The following SATL1 variants were observed in gnomAD, a reference collection of about 807,000 sequenced individuals.
SATL1 encodes spermidine/spermine N(1)-acetyltransferase-like protein 1.
Under a neutral mutation model 51.8 loss-of-function variants are expected in SATL1, and 47 were observed. That is an observed-to-expected ratio of 0.91 (90% CI 0.72 to 1.16). The LOEUF (loss-of-function observed/expected upper bound fraction) is 1.16. SATL1 is among the 50% of genes most tolerant of loss of function. SATL1 has a pLI of 0.00. For missense variants in SATL1, 520 were observed against 526.4 expected (o/e 0.99, Z 0.12); for synonymous variants, 176 against 182.4 (o/e 0.97, Z 0.28).
rs140090770 is a variant in SATL1, at chrX:85,233,939, G to C, written c.-434-9613C>G. Among the ~76,000 whole-genome samples the C allele has an allele frequency of 4.6e-3, 516 of 111,113 alleles. 4 individuals are homozygous for C. Among genetic ancestry groups the C allele is most frequent in the African/African-American group, 0.016 (498 of 30,601 alleles). Reference sequence around the variant, plus strand: ...GAGAAAGATGGCAATATTCAAGTACGAGGAGGTTATAAAACACCAAGCAAA... The same window carrying C: ...GAGAAAGATGGCAATATTCAAGTACCAGGAGGTTATAAAACACCAAGCAAA... On this transcript the variant is annotated intron_variant, in intron 1 of 7. Coordinates refer to ENST00000644105, the MANE Select transcript of SATL1 (RefSeq NM_001367857.2).
intron 4 of SATL1, among the ~76,000 whole-genome samples, chrX:85,096,189 A>G (rs1391584620): frequency 9.0e-6 from 1 of 111,563 alleles, no homozygotes; most frequent in Non-Finnish European, 1.9e-5. Flanking sequence ...TGTAAACAAA[A>G]TAATATAGAT....
chrX:85,157,484 C>A (rs188835757), intron 2 of SATL1, among the ~76,000 whole-genome samples: 329 of 111,391 alleles, frequency 3.0e-3, no homozygotes, highest in Non-Finnish European at 4.9e-3. Context: ...TAGATAAACC[C>A]TAAAAGTTAG....
chrX:85,191,112 G>GT (rs1450416275), intron 2 of SATL1, among the ~76,000 whole-genome samples: 7 of 104,589 alleles, frequency 6.7e-5, no homozygotes, highest in African/African-American at 2.4e-4. Flanking sequence ...AGAACTTAAA[G>GT]TATAATAATA....
intron 4 of SATL1, among the ~76,000 whole-genome samples, chrX:85,098,219 C>T (rs1430260034): frequency 1.8e-5 from 2 of 111,603 alleles, no homozygotes; most frequent in Non-Finnish European, 3.8e-5. Flanking sequence ...AAGTCAAAAA[C>T]ACTTACAAGA....
intron 2 of SATL1, among the ~76,000 whole-genome samples, chrX:85,125,300 A>G (rs752920492): frequency 8.1e-5 from 9 of 110,835 alleles, no homozygotes; most frequent in African/African-American, 2.9e-4. Flanking sequence ...ATGAAGAGGA[A>G]CCACAGGATG....
intron 2 of SATL1, among the ~76,000 whole-genome samples, chrX:85,160,306 T>C (rs1472188339): frequency 9.0e-6 from 1 of 110,692 alleles, no homozygotes; most frequent in Non-Finnish European, 1.9e-5. Context: ...CCACACTAGC[T>C]CTCCAGCAAG....
chrX:85,103,315 G>A (rs1356342642), intron 4 of SATL1, among the ~76,000 whole-genome samples: 4 of 111,468 alleles, frequency 3.6e-5, no homozygotes, highest in African/African-American at 1.3e-4. Context: ...CATGCATTCT[G>A]AAGTATTCAA....
chrX:85,240,513 T>C (rs749958972), intron 1 of SATL1, among the ~76,000 whole-genome samples: 2 of 111,704 alleles, frequency 1.8e-5, no homozygotes, highest in African/African-American at 6.5e-5. Context: ...AAAAAGAACT[T>C]TCTCTTATCA....
At chrX:85,197,513 G>GTACTT (rs1569245597) in intron 2 of SATL1, among the ~76,000 whole-genome samples, 2 of 97,845 alleles carry the variant, frequency 2.0e-5, no homozygotes, top group Non-Finnish European at 4.2e-5. Flanking sequence ...TATTATTATT[G>GTACTT]TACTTTAAGT....
chrX:85,097,525 A>G (rs1172990837), intron 4 of SATL1, among the ~76,000 whole-genome samples: 1 of 111,030 alleles, frequency 9.0e-6, no homozygotes, highest in African/African-American at 3.3e-5. Flanking sequence ...TATTTTTAGT[A>G]GAGATGGGGT....
intron 2 of SATL1, among the ~76,000 whole-genome samples, chrX:85,187,590 C>T (rs1927340806): frequency 9.0e-6 from 1 of 111,555 alleles, no homozygotes; most frequent in Admixed American, 9.6e-5. Context: ...TGGTTTTTGT[C>T]CTTAATTCTG....
intron 3 of SATL1, among the ~76,000 whole-genome samples, chrX:85,106,440 A>C (rs961642688): frequency 8.9e-6 from 1 of 112,306 alleles, no homozygotes; most frequent in Non-Finnish European, 1.9e-5. Context: ...ACTTGGCCTG[A>C]TTTAGATAAG....
intron 2 of SATL1, among the ~76,000 whole-genome samples, chrX:85,146,621 G>C (rs1569236234): frequency 8.9e-6 from 1 of 112,240 alleles, no homozygotes; most frequent in Non-Finnish European, 1.9e-5. Flanking sequence ...AATAAGTGGG[G>C]ACTACTGTTT....
At chrX:85,112,349 C>A (rs758034302) in intron 2 of SATL1, among the ~76,000 whole-genome samples, 78 of 110,618 alleles carry the variant, frequency 7.1e-4, no homozygotes, top group African/African-American at 2.5e-3. Flanking sequence ...CAGACTCTGT[C>A]TCAAAAAAAC....
intron 2 of SATL1, among the ~76,000 whole-genome samples, chrX:85,191,554 C>T (rs1927439616): frequency 9.0e-6 from 1 of 111,628 alleles, no homozygotes; most frequent in Non-Finnish European, 1.9e-5. Context: ...AAAAACTTAA[C>T]TACTAATAGC....
rs1569229059 is a variant in SATL1, at chrX:85,108,952, GTGCCTGATTGGTTCA to G, written c.2_16del (p.MetAsnGlnSerGly1_?5). ...CGAGTCTGATAAACTTGATTGGTTC[GTGCCTGATTGGTTCA>G]TGCCCAGTTGATTCCTGCTTTGTTG... On this transcript the variant is annotated start_lost and inframe_deletion, in exon 3 of 8. Coordinates refer to ENST00000644105, the MANE Select transcript of SATL1 (RefSeq NM_001367857.2). 8.3e-7 allele frequency: 1 copy of G among 1,203,267 alleles called. No individual in the cohort carries two copies.
At position 85,108,362 on chromosome X, in the gene SATL1, TGCCTGGTTGTTGCAC is replaced by T. The variant is rs760634228; in HGVS notation, c.592_606del (p.Val198_Gly202del). ...GGGTGGCTTGGGACTTGCTGGCTGA[TGCCTGGTTGTTGCAC>T]GCCTGGTTGCCACATGCCTGGTGGA... is the stretch of plus-strand genomic sequence containing the variant. On this transcript the variant is annotated inframe_deletion, in exon 3 of 8. Coordinates refer to ENST00000644105, the MANE Select transcript of SATL1 (RefSeq NM_001367857.2). The T allele has an allele frequency of 8.5e-4, 1,034 of 1,209,550 alleles. No homozygotes were observed. Among genetic ancestry groups the T allele is most frequent in the Non-Finnish European group, 1.1e-3 (978 of 895,120 alleles).
At chrX:85,240,155 G>A (rs1928559765) in intron 1 of SATL1, among the ~76,000 whole-genome samples, 1 of 111,411 alleles carries the variant, frequency 9.0e-6, no homozygotes, top group Admixed American at 9.5e-5. Flanking sequence ...GATGGGCAAA[G>A]AACTTAAATG....
chrX:85,193,295 T>C (rs979591031), intron 2 of SATL1, among the ~76,000 whole-genome samples: 5 of 111,710 alleles, frequency 4.5e-5, no homozygotes, highest in African/African-American at 9.8e-5. Flanking sequence ...CAAGATTCTA[T>C]GTGAATTCAT....
Sources: allele counts gnomAD v4.1 joint callset (sites outside exome capture counted in the v4.1 genomes callset), GRCh38; gene constraint gnomAD v4.1.1; transcripts MANE v1.5; gene names NCBI Gene and HGNC (gene_info 2026-07-23, HGNC 2026-07-21).